The following PPP2CA variants were observed in gnomAD, a reference collection of about 807,000 sequenced individuals.
PPP2CA encodes protein phosphatase 2 catalytic subunit alpha.
Under a neutral mutation model 38.8 loss-of-function variants are expected in PPP2CA, and 5 were observed. The ratio of observed to expected loss-of-function variants is 0.13; its 90% CI spans 0.07 to 0.27. The LOEUF is 0.27. PPP2CA is among the 10% of genes least tolerant of loss of function. PPP2CA has a pLI of 1.00. For missense variants in PPP2CA, 88 were observed against 389.7 expected, an observed-to-expected ratio of 0.23 and a Z score of 6.52; for synonymous variants, 152 against 134.0, an observed-to-expected ratio of 1.13 and a Z score of -0.93.
chr5:134,225,682 T>C lies in PPP2CA; in HGVS notation c.102+78A>G. 2.2e-6 allele frequency: 3 copies of C among 1,381,842 alleles called. No individual in the cohort carries two copies. The South Asian group carries it at 3.6e-5, about 17-fold the overall frequency. 85.6% of individuals were successfully genotyped at this position (1,381,842 alleles called of 1,614,324 possible). The stretch of plus-strand genomic sequence containing the variant: ...GCCCGGACCGGCGGCCTCCGCCATG[T>C]TGCACCCTCCTCACGGCCGCCTTTT... On this transcript the variant is annotated intron_variant, in intron 1 of 6. Transcript: ENST00000481195.
chr5:134,218,031 A>C (rs933435600), intron 1 of PPP2CA, among the ~76,000 whole-genome samples: 2 of 152,128 alleles, frequency 1.3e-5, no homozygotes, highest in African/African-American at 4.8e-5. Context: ...AGGTGATAGG[A>C]ATTTTTCAGC....
chr5:134,223,384 A>G (rs961696245), intron 1 of PPP2CA, among the ~76,000 whole-genome samples: 1 of 152,224 alleles, frequency 6.6e-6, no homozygotes, highest in Non-Finnish European at 1.5e-5. Context: ...TACATACCCA[A>G]AAAACTGTCT....
chr5:134,220,421 T>C (rs888881421), intron 1 of PPP2CA, among the ~76,000 whole-genome samples: 6 of 118,816 alleles, frequency 5.0e-5, no homozygotes, highest in East Asian at 2.7e-4. Context: ...ATCACACCAC[T>C]GCACTCCAGC....
At chr5:134,221,627 GAAC>G (rs1209244571) in intron 1 of PPP2CA, among the ~76,000 whole-genome samples, 2 of 151,994 alleles carry the variant, frequency 1.3e-5, no homozygotes, top group Non-Finnish European at 2.9e-5. Context: ...AGACAAAGAG[GAAC>G]AACAGTATGT....
intron 3 of PPP2CA, 99 bp downstream of exon 3, chr5:134,201,749 C>A: frequency 3.1e-6 from 4 of 1,294,814 alleles, no homozygotes; most frequent in South Asian, 1.4e-5. Context: ...AAAAAATATC[C>A]CCAAAGGGGT....
chr5:134,205,016 C>A (rs1263334151), intron 2 of PPP2CA, among the ~76,000 whole-genome samples: 1 of 149,720 alleles, frequency 6.7e-6, no homozygotes, highest in East Asian at 2.0e-4. Flanking sequence ...CTCATTGCAG[C>A]CACGACCTCC....
chr5:134,203,511 T>C (rs974532201), intron 2 of PPP2CA: 6 of 152,246 alleles, frequency 3.9e-5, no homozygotes, highest in Admixed American at 3.3e-4. Flanking sequence ...CCTTGATTTA[T>C]GGATGCTCAT....
rs1301316149 is a variant in PPP2CA, at chr5:134,201,009, A to G, written c.552T>C (p.Asp184=). 1.9e-6 allele frequency: 3 copies of G among 1,612,024 alleles called. No individual in the cohort carries two copies. Among genetic ancestry groups the G allele is most frequent in the Non-Finnish European group, 2.5e-6 (3 of 1,178,146 alleles). The change falls in exon 4 of 7, where the codon GAT becomes GAC. Residue 184 remains aspartate (D), a synonymous_variant. Transcript: ENST00000481195. Reference sequence around the variant, plus strand: ...CCTCATGGGGAACTTCTTGTAGGCGATCAAGTGCTCTGATATGATCCAGTG... The same window carrying G: ...CCTCATGGGGAACTTCTTGTAGGCGGTCAAGTGCTCTGATATGATCCAGTG... ...IDTLDHIRAL[D]RLQEVPHEGP...
intron 2 of PPP2CA, chr5:134,205,571 T>TG (rs1762066068): frequency 9.7e-6 from 2 of 206,248 alleles, no homozygotes; most frequent in Admixed American, 1.1e-4. Context: ...TTAGTAGAGA[T>TG]GGGGCTTCAC....
intron 6 of PPP2CA, 57 bp downstream of exon 6, chr5:134,199,028 TA>T: frequency 7.2e-7 from 1 of 1,391,364 alleles, no homozygotes; most frequent in Non-Finnish European, 1.0e-6. Context: ...TCAAAATAAA[TA>T]AACCAAAACC....
chr5:134,221,868 T>TG (rs917589610), intron 1 of PPP2CA, among the ~76,000 whole-genome samples: 1 of 149,872 alleles, frequency 6.7e-6, no homozygotes, highest in Middle Eastern at 3.5e-3. Flanking sequence ...CTAGGGAGAC[T>TG]GATGCAGGAG....
intron 1 of PPP2CA, among the ~76,000 whole-genome samples, chr5:134,207,553 G>A (rs2149385018): frequency 6.6e-6 from 1 of 152,296 alleles, no homozygotes; most frequent in South Asian, 2.1e-4. Flanking sequence ...TGCACTTTGG[G>A]ACGCTAAGGC....
rs142843301 is a variant in PPP2CA, at chr5:134,197,941, A to G, written c.858-97T>C. The G allele has an allele frequency of 7.5e-5, 77 of 1,024,782 alleles. 1 individual carries two copies. The Admixed American group carries it at 1.5e-3, about 20-fold the overall frequency. 63.5% of individuals were successfully genotyped at this position (1,024,782 alleles called of 1,614,324 possible). A position where few individuals can be genotyped will look rare whatever the true frequency, so the allele number is the denominator to read the frequency against. ...GAGTCTTCCAAACTTTACACTTCCT[A>G]TTCAATTTTGGCTTGTCTTAATGTA... is the stretch of plus-strand genomic sequence containing the variant. On this transcript the variant is annotated intron_variant, in intron 6 of 6. Coordinates refer to ENST00000481195, the MANE Select transcript of PPP2CA (RefSeq NM_002715.4).
Position 134,197,734 on chromosome 5 carries a change from T to C in PPP2CA, c.*38A>G. On this transcript the variant is annotated 3_prime_UTR_variant, in exon 7 of 7. Coordinates refer to ENST00000481195, the MANE Select transcript of PPP2CA (RefSeq NM_002715.4). The stretch of plus-strand genomic sequence containing the variant: ...TCTTCCCATTTCCATTAGGTCGATA[T>C]ATGGTTCATGGCAATACTGTACAAG... 6.6e-7 allele frequency: 1 copy of C among 1,508,270 alleles called. No individual in the cohort carries two copies. The allele number at this position is 1,508,270 out of a possible 1,614,324, so 93.4% of individuals were successfully genotyped here. A position where few individuals can be genotyped will look rare whatever the true frequency, so the allele number is the denominator to read the frequency against.
chr5:134,223,338 G>A (rs1448309461), intron 1 of PPP2CA, among the ~76,000 whole-genome samples: 1 of 152,090 alleles, frequency 6.6e-6, no homozygotes, highest in Non-Finnish European at 1.5e-5. Flanking sequence ...TGTTTTACTA[G>A]AAAGACTTGT....
At chr5:134,206,964 A>G (rs1200292350) in intron 1 of PPP2CA, among the ~76,000 whole-genome samples, 1 of 152,224 alleles carries the variant, frequency 6.6e-6, no homozygotes, top group African/African-American at 2.4e-5. Context: ...GTCACAAAGG[A>G]AAGGGAGAGG....
At chr5:134,209,920 A>G (rs766767998) in intron 1 of PPP2CA, among the ~76,000 whole-genome samples, 4 of 152,098 alleles carry the variant, frequency 2.6e-5, no homozygotes, top group Non-Finnish European at 5.9e-5. Context: ...TAGAAAATAA[A>G]ATAAAAAATT....
chr5:134,203,672 C>G (rs6859275), intron 2 of PPP2CA: 111,565 of 152,134 alleles, frequency 0.73, 41,457 homozygotes, highest in Non-Finnish European at 0.82. Flanking sequence ...TGGGTTAGGA[C>G]TTAGACAAAT....
At chr5:134,222,474 G>A (rs1055812802) in intron 1 of PPP2CA, among the ~76,000 whole-genome samples, 1 of 151,806 alleles carries the variant, frequency 6.6e-6, no homozygotes, top group African/African-American at 2.4e-5. Flanking sequence ...AATGACTAAT[G>A]ACTGCACTTT....
Sources: allele counts gnomAD v4.1 joint callset (sites outside exome capture counted in the v4.1 genomes callset), GRCh38; gene constraint gnomAD v4.1.1; transcripts MANE v1.5; gene names NCBI Gene and HGNC (gene_info 2026-07-23, HGNC 2026-07-21).